The following PTGER4 variants were observed in gnomAD, a reference collection of about 807,000 sequenced individuals.
PTGER4 encodes prostaglandin E2 receptor EP4 subtype.
Under a neutral mutation model 33.2 loss-of-function variants are expected in PTGER4, and 11 were observed. The observed-to-expected ratio is 0.33, with a 90% CI of 0.21 to 0.55. The LOEUF (loss-of-function observed/expected upper bound fraction) is 0.55, where lower values mean the gene tolerates loss of function less well. PTGER4 is among the 20% of genes least tolerant of loss of function. The probability of loss-of-function intolerance (pLI) is 0.92; values close to 1 mark genes in which losing one functional copy is unlikely to be tolerated. For missense variants in PTGER4, 481 were observed against 650.2 expected, an observed-to-expected ratio of 0.74 and a Z score of 2.83; for synonymous variants, 275 against 281.5, an observed-to-expected ratio of 0.98 and a Z score of 0.23.
the PTGER4 span, among the ~76,000 whole-genome samples, chr5:40,744,871 T>C: frequency 6.6e-6 from 1 of 152,212 alleles, no homozygotes; most frequent in Admixed American, 6.5e-5. Context: ...GTCTTTCTAA[T>C]GGCTGCACTA....
downstream of PTGER4, chr5:40,696,689 A>G: frequency 1.0e-6 from 1 of 985,180 alleles, no homozygotes; most frequent in Non-Finnish European, 1.2e-6. Context: ...AGAGAAGGAC[A>G]GAAGAGAACA....
chr5:40,686,485 T>C (rs1460602959), intron 2 of PTGER4, among the ~76,000 whole-genome samples: 2 of 152,260 alleles, frequency 1.3e-5, no homozygotes, highest in African/African-American at 4.8e-5. Context: ...AGAGCCAACA[T>C]ATCTGTTATA....
At chr5:40,723,890 C>A in the PTGER4 span, among the ~76,000 whole-genome samples, 10 of 151,888 alleles carry the variant, frequency 6.6e-5, no homozygotes, top group Admixed American at 1.3e-4. Context: ...AACAAAAAGG[C>A]AAGATGTGTC....
downstream of PTGER4, among the ~76,000 whole-genome samples, chr5:40,698,103 AAAAAAAAAAAAAAAAAC>A (rs1741654427): frequency 7.0e-6 from 1 of 142,688 alleles, no homozygotes; most frequent in South Asian, 2.3e-4. Context: ...AAAAAAAAAA[AAAAAAAAAAAAAAAAAC>A]CATGAAAAAT....
chr5:40,726,357 T>G, the PTGER4 span, among the ~76,000 whole-genome samples: 2 of 151,882 alleles, frequency 1.3e-5, no homozygotes, highest in African/African-American at 4.8e-5. Flanking sequence ...TTCCTATGGT[T>G]TTAGTCCATA....
chr5:40,741,688 G>A, the PTGER4 span, among the ~76,000 whole-genome samples: 1 of 152,066 alleles, frequency 6.6e-6, no homozygotes, highest in Non-Finnish European at 1.5e-5. Context: ...CTACCTTCAG[G>A]TAGAAATTAA....
At chr5:40,703,742 A>G in the PTGER4 span, among the ~76,000 whole-genome samples, 1 of 151,692 alleles carries the variant, frequency 6.6e-6, no homozygotes, top group Admixed American at 6.6e-5. Context: ...ATCTCTGTTA[A>G]AAGTATAAAA....
At chr5:40,723,042 TG>T in the PTGER4 span, among the ~76,000 whole-genome samples, 1 of 152,198 alleles carries the variant, frequency 6.6e-6, no homozygotes, top group Non-Finnish European at 1.5e-5. Flanking sequence ...TTACTGTGTC[TG>T]GGTAGAAAGA....
intron 2 of PTGER4, among the ~76,000 whole-genome samples, chr5:40,682,183 G>A (rs1261639047): frequency 2.0e-5 from 3 of 151,518 alleles, no homozygotes; most frequent in African/African-American, 7.3e-5. Flanking sequence ...CGCCCCCTCT[G>A]TTAGACGTGG....
chr5:40,681,994 A>C lies in PTGER4; in HGVS notation c.867+134A>C, dbSNP rs953248974. 2.5e-6 allele frequency: 3 copies of C among 1,194,118 alleles called. No homozygotes were observed. The highest frequency in any genetic ancestry group is 6.0e-4 in the Middle Eastern group (2 of 3,352). The allele number at this position is 1,194,118 out of a possible 1,614,324, so 74.0% of individuals were successfully genotyped here. ...CCTTTAGGTCGGGGCTGGGATTCCCACACTGTTTCTCAGAGCAGGCCCAAC... is the reference window on the plus strand; with the variant it reads ...CCTTTAGGTCGGGGCTGGGATTCCCCCACTGTTTCTCAGAGCAGGCCCAAC... On this transcript the variant is annotated intron_variant, in intron 2 of 2. Coordinates refer to ENST00000302472, the MANE Select transcript of PTGER4 (RefSeq NM_000958.3). This position sits in a 1 kb window ranked among gnomAD's most constrained non-coding sequence, Gnocchi z 9.8.
Position 40,692,561 on chromosome 5 carries a change from C to G in PTGER4, c.*183C>G, listed in dbSNP as rs887312425. 1 of 1,391,860 alleles carries G rather than the reference C, an allele frequency of 7.2e-7. No homozygotes were observed. Among genetic ancestry groups the G allele is most frequent in the African/African-American group, 1.5e-5 (1 of 68,904 alleles). The allele number at this position is 1,391,860 out of a possible 1,614,324, so 86.2% of individuals were successfully genotyped here. ...AAGTTGACTCACGTGGGTCCTGAGG[C>G]CTGCAGCACGTCGGATGCTACCCCA... On this transcript the variant is annotated 3_prime_UTR_variant, in exon 3 of 3. Transcript: ENST00000302472.
chr5:40,717,664 G>A, the PTGER4 span, among the ~76,000 whole-genome samples: 2 of 152,184 alleles, frequency 1.3e-5, no homozygotes, highest in African/African-American at 4.8e-5. Context: ...GGGTAAAACT[G>A]CCCTCCAAGT....
At chr5:40,702,053 A>C in the PTGER4 span, among the ~76,000 whole-genome samples, 1 of 152,158 alleles carries the variant, frequency 6.6e-6, no homozygotes, top group Non-Finnish European at 1.5e-5. Context: ...GAAAGGAAAG[A>C]CCTCTAGCAG....
rs1041227090 is a variant in PTGER4 at position 40,693,003 on chromosome 5, A to G, written c.*625A>G. The G allele has an allele frequency of 4.4e-6, 4 of 912,310 alleles. No individual in the cohort carries two copies. Among genetic ancestry groups the G allele is most frequent in the Non-Finnish European group, 3.9e-6 (3 of 763,190 alleles). 56.5% of individuals were successfully genotyped at this position (912,310 alleles called of 1,614,324 possible). A position where few individuals can be genotyped will look rare whatever the true frequency, so the allele number is the denominator to read the frequency against. Reference sequence around the variant, plus strand: ...AAGTTGAAAATTCATAGTAAGATTGATATCTATAAAATAGATATAAATTTT... The same window carrying G: ...AAGTTGAAAATTCATAGTAAGATTGGTATCTATAAAATAGATATAAATTTT... On this transcript the variant is annotated 3_prime_UTR_variant, in exon 3 of 3. Coordinates refer to ENST00000302472, the MANE Select transcript of PTGER4 (RefSeq NM_000958.3).
In PTGER4 at chr5:40,692,597, G is replaced by T; in HGVS notation, c.*219G>T. On this transcript the variant is annotated 3_prime_UTR_variant, in exon 3 of 3. Transcript: ENST00000302472. ...TCGGATGCTACCCCACTATGACAGAGGATTGTGGTCACAACTTGATGGCTG... is the reference window on the plus strand; with the variant it reads ...TCGGATGCTACCCCACTATGACAGATGATTGTGGTCACAACTTGATGGCTG... 1 of 1,308,084 alleles carries T rather than the reference G, an allele frequency of 7.6e-7. No homozygotes were observed. The highest frequency in any genetic ancestry group is 9.7e-7 in the Non-Finnish European group (1 of 1,028,456). 81.0% of individuals were successfully genotyped at this position (1,308,084 alleles called of 1,614,324 possible).
At chr5:40,695,471 G>A (rs976740328), downstream of PTGER4, among the ~76,000 whole-genome samples, 11 of 152,122 alleles carry the variant, frequency 7.2e-5, no homozygotes, top group East Asian at 1.9e-4. Context: ...GTTTAAACCC[G>A]GGAGGCGGGG....
chr5:40,687,123 G>A (rs1388828091), intron 2 of PTGER4, among the ~76,000 whole-genome samples: 1 of 152,072 alleles, frequency 6.6e-6, no homozygotes, highest in South Asian at 2.1e-4. Context: ...TCAGCTCACC[G>A]CAACCTCCAC....
chr5:40,713,218 CAGA>C, the PTGER4 span, among the ~76,000 whole-genome samples: 3 of 152,014 alleles, frequency 2.0e-5, no homozygotes, highest in African/African-American at 7.2e-5. Flanking sequence ...AATCATAGCT[CAGA>C]ATTGCTGGTC....
the PTGER4 span, among the ~76,000 whole-genome samples, chr5:40,731,052 T>C: frequency 0.22 from 33,176 of 152,124 alleles, 4,327 homozygotes; most frequent in Admixed American, 0.37. Flanking sequence ...TTGTGGGTGA[T>C]TTCAAGCCTC....
Sources: gnomAD v4.1 joint callset for allele counts (sites outside exome capture counted in the v4.1 genomes callset) on GRCh38, gnomAD v4.1.1 for gene constraint, Gnocchi (gnomAD v3.1) non-coding constraint, MANE v1.5 for transcripts, NCBI Gene and HGNC (gene_info 2026-07-23, HGNC 2026-07-21) for gene names.